The following ADAMTS17 variants were observed in gnomAD, a reference collection of about 807,000 sequenced individuals.
ADAMTS17 encodes the protein ADAM metallopeptidase with thrombospondin type 1 motif 17, also known as A disintegrin and metalloproteinase with thrombospondin motifs 17.
A neutral mutation model predicts 141.5 loss-of-function variants in ADAMTS17; 113 were observed. That is an observed-to-expected ratio of 0.80 (90% confidence interval 0.69 to 0.93). ADAMTS17 has a LOEUF of 0.93. Among genes scored for constraint, ADAMTS17 ranks in the 40% least tolerant of loss-of-function variants. The pLI is 0.00. For missense variants in ADAMTS17, 1,659 were observed against 1,517.9 expected (o/e 1.09, Z -1.54); for synonymous variants, 768 against 630.6 (o/e 1.22, Z -3.27).
In ADAMTS17 at chr15:100,341,232, G is replaced by T; in HGVS notation, c.257C>A (p.Pro86Gln). Residue 86 changes from proline (P) to glutamine (Q), a missense_variant, in exon 2 of 22, where the codon CCG (proline) becomes CAG (glutamine). Pro to Gln is a moderately conservative substitution (Grantham distance 76, BLOSUM62 -1). Coordinates refer to ENST00000268070, the MANE Select transcript of ADAMTS17 (RefSeq NM_139057.4). ...AAGGTACAGGTCGCGCCCGAAGGCCGGCAGGTGCAGCAGCAGGGCGCGCTC... is the reference window on the plus strand; with the variant it reads ...AAGGTACAGGTCGCGCCCGAAGGCCTGCAGGTGCAGCAGCAGGGCGCGCTC... ...PGERALLLHL[P>Q]AFGRDLYLQL... 1.4e-6 allele frequency: 2 copies of T among 1,429,682 alleles called. No homozygotes were observed. Among genetic ancestry groups the T allele is most frequent in the South Asian group, 1.3e-5 (1 of 74,472 alleles). 88.6% of individuals were successfully genotyped at this position (1,429,682 alleles called of 1,614,324 possible).
In ADAMTS17 at chr15:99,974,280, T is replaced by G; in HGVS notation, c.*122A>C. 1.1e-5 allele frequency: 14 copies of G among 1,273,046 alleles called. No homozygotes were observed. The highest frequency in any genetic ancestry group is 2.3e-5 in the East Asian group (1 of 43,060). The allele number at this position is 1,273,046 out of a possible 1,614,324, so 78.9% of individuals were successfully genotyped here. ...ATGGCAAACGCCAAGTCCACGCTCA[T>G]GTTCTATGTAGTTGGATTCTTGTGG... On this transcript the variant is annotated 3_prime_UTR_variant, in exon 22 of 22. Coordinates refer to ENST00000268070, the MANE Select transcript of ADAMTS17 (RefSeq NM_139057.4).
chr15:100,108,940 G>T, intron 14 of ADAMTS17, 49 bp downstream of exon 14: 1 of 1,611,092 alleles, frequency 6.2e-7, no homozygotes, highest in Non-Finnish European at 8.5e-7. Context: ...TGGGGAGAGT[G>T]AGTCTCCTCT....
intron 8 of ADAMTS17, among the ~76,000 whole-genome samples, chr15:100,192,716 T>C (rs1421783891): frequency 7.2e-5 from 11 of 152,236 alleles, no homozygotes; most frequent in Admixed American, 6.5e-4. Context: ...TCGTTCTTAA[T>C]ACAAATCACA....
intron 7 of ADAMTS17, among the ~76,000 whole-genome samples, chr15:100,211,666 C>T (rs530760042): frequency 3.4e-4 from 51 of 152,130 alleles, no homozygotes; most frequent in African/African-American, 1.2e-3. Context: ...ATAAAAGGTA[C>T]CATAAACAAA....
chr15:100,131,083 T>C (rs2038014938), intron 12 of ADAMTS17, among the ~76,000 whole-genome samples: 1 of 151,992 alleles, frequency 6.6e-6, no homozygotes, highest in Non-Finnish European at 1.5e-5. Flanking sequence ...TGGATGAAGC[T>C]GAAAAACATC....
intron 20 of ADAMTS17, among the ~76,000 whole-genome samples, chr15:99,977,383 TATATATATATATA>T (rs2060376137): frequency 8.2e-5 from 2 of 24,278 alleles, no homozygotes; most frequent in Non-Finnish European, 1.5e-4. Context: ...TATATATATA[TATATATATATATA>T]TATAATTTTT....
intron 3 of ADAMTS17, among the ~76,000 whole-genome samples, chr15:100,315,539 G>A (rs2045538295): frequency 6.6e-6 from 1 of 152,180 alleles, no homozygotes; most frequent in African/African-American, 2.4e-5. Context: ...CGTTACAAGT[G>A]TAAATGCAGA....
At position 100,155,338 on chromosome 15, in the gene ADAMTS17, G is replaced by A. The variant is rs770305949; in HGVS notation, c.1182-18C>T. The A allele has an allele frequency of 6.2e-7, 1 of 1,611,058 alleles. No homozygotes were observed. The highest frequency in any genetic ancestry group is 8.5e-7 in the Non-Finnish European group (1 of 1,178,432). On this transcript the variant is annotated intron_variant, in intron 8 of 21. Transcript: ENST00000268070. ...TGCCCAAGCTGTCCAAGAAGGAGGA[G>A]AGAGGGATGCTTATGCTACAAGCTT...
intron 2 of ADAMTS17, among the ~76,000 whole-genome samples, chr15:100,332,572 T>C (rs989824212): frequency 2.6e-5 from 4 of 152,252 alleles, no homozygotes; most frequent in African/African-American, 9.6e-5. Flanking sequence ...TCGTTCAGTC[T>C]AGAGTTTGCA....
In ADAMTS17 at chr15:100,135,032, G is replaced by C. The variant is rs558035145; in HGVS notation, c.1474-1717C>G. Among the ~76,000 whole-genome samples the C allele has an allele frequency of 2.3e-4, 35 of 152,308 alleles. 1 individual carries two copies. The highest frequency in any genetic ancestry group is 7.0e-4 in the African/African-American group (29 of 41,562). ...TGTGGACATGTGCTCACAAGACAAG[G>C]CTGACCCAGGGGGAGAATTTATGGG... is the stretch of plus-strand genomic sequence containing the variant. On this transcript the variant is annotated intron_variant, in intron 10 of 21. Transcript: ENST00000268070.
intron 7 of ADAMTS17, among the ~76,000 whole-genome samples, chr15:100,232,556 G>A (rs529374690): frequency 3.3e-5 from 5 of 152,312 alleles, no homozygotes; most frequent in East Asian, 1.9e-4. Context: ...ATGCCCAATC[G>A]GCTATTCCCT....
intron 4 of ADAMTS17, among the ~76,000 whole-genome samples, chr15:100,264,230 C>G (rs2043631430): frequency 6.6e-6 from 1 of 152,186 alleles, no homozygotes; most frequent in South Asian, 2.1e-4. Flanking sequence ...GTCACATATT[C>G]ATGTCCTATC....
At chr15:100,109,940 A>G (rs2141103807) in intron 13 of ADAMTS17, among the ~76,000 whole-genome samples, 1 of 152,138 alleles carries the variant, frequency 6.6e-6, no homozygotes, top group Non-Finnish European at 1.5e-5. Flanking sequence ...CCTCCATTAA[A>G]GCAACAGCAT....
chr15:100,183,074 C>T (rs983680372), intron 8 of ADAMTS17, among the ~76,000 whole-genome samples: 5 of 152,096 alleles, frequency 3.3e-5, no homozygotes, highest in Admixed American at 2.0e-4. Flanking sequence ...CTGCAACTTC[C>T]ACCTCCTGGG....
chr15:100,002,930 C>T (rs577793636), intron 18 of ADAMTS17, among the ~76,000 whole-genome samples: 1 of 152,088 alleles, frequency 6.6e-6, no homozygotes, highest in Non-Finnish European at 1.5e-5. Flanking sequence ...GCCCCCAGCA[C>T]ATGAGGTGTA....
intron 20 of ADAMTS17, among the ~76,000 whole-genome samples, chr15:99,983,161 TCACCGTCGCAGCAGGGCC>T (rs1218232689): frequency 1.3e-5 from 2 of 152,154 alleles, no homozygotes; most frequent in African/African-American, 2.4e-5. Flanking sequence ...GTAACGGCAG[TCACCGTCGCAGCAGGGCC>T]CACCACCTGC....
At chr15:99,976,633 G>A (rs948222289) in intron 20 of ADAMTS17, 1 of 323,440 alleles carries the variant, frequency 3.1e-6, no homozygotes, top group African/African-American at 2.1e-5. Context: ...ATGTCATGAG[G>A]GTGGAGCCTC....
intron 8 of ADAMTS17, among the ~76,000 whole-genome samples, chr15:100,162,499 AC>A (rs1178809494): frequency 8.3e-6 from 1 of 120,830 alleles, no homozygotes; most frequent in Non-Finnish European, 1.7e-5. Flanking sequence ...GCACATATAC[AC>A]ATTATATGTG....
chr15:100,161,007 C>T (rs777862418), intron 8 of ADAMTS17, among the ~76,000 whole-genome samples: 2 of 152,204 alleles, frequency 1.3e-5, no homozygotes, highest in African/African-American at 2.4e-5. Context: ...TTAACGAAAA[C>T]GTGTGGCATT....
Sources: gnomAD v4.1 joint callset for allele counts (sites outside exome capture counted in the v4.1 genomes callset) on GRCh38, gnomAD v4.1.1 for gene constraint, MANE v1.5 for transcripts, NCBI Gene and HGNC (gene_info 2026-07-23, HGNC 2026-07-21) for gene names.